TPRG1: variants seen among roughly 807,000 people sequenced by gnomAD.
TPRG1 encodes the protein tumor protein p63-regulated gene 1 protein.
Under a neutral mutation model 29.3 loss-of-function variants are expected in TPRG1, and 29 were observed. That is an observed-to-expected ratio of 0.99 (90% CI 0.74 to 1.35). The LOEUF (loss-of-function observed/expected upper bound fraction) is 1.35. Ranked by LOEUF, TPRG1 falls within the 40% of genes most tolerant of loss-of-function variation. TPRG1 has a pLI of 0.00. For synonymous variants in TPRG1, 130 were observed against 116.8 expected (o/e 1.11, Z -0.73); for missense variants, 327 against 335.0 (o/e 0.98, Z 0.19).
intron 1 of TPRG1, among the ~76,000 whole-genome samples, chr3:189,199,210 C>A (rs1733050672): frequency 6.6e-6 from 1 of 152,182 alleles, no homozygotes; most frequent in Admixed American, 6.5e-5. Flanking sequence ...ACCGTTATCA[C>A]AATCTTATTC....
At chr3:189,131,003 C>T (rs1417860301) in intron 2 of TPRG1, among the ~76,000 whole-genome samples, 1 of 152,180 alleles carries the variant, frequency 6.6e-6, no homozygotes, top group Non-Finnish European at 1.5e-5. Flanking sequence ...CATGTTACCT[C>T]TGGCCGGTAA....
At chr3:189,310,563 T>G (rs779822212) in intron 5 of TPRG1, 24 bp downstream of exon 5, 2 of 1,586,364 alleles carry the variant, frequency 1.3e-6, no homozygotes, top group Non-Finnish European at 1.7e-6. Context: ...TGGGTATTAC[T>G]CTCAGATTAG....
intron 4 of TPRG1, among the ~76,000 whole-genome samples, chr3:189,242,440 A>T (rs925789517): frequency 6.6e-6 from 1 of 152,158 alleles, no homozygotes; most frequent in Admixed American, 6.5e-5. Context: ...TTCAAATATT[A>T]AGTCAGTTCT....
intron 1 of TPRG1, among the ~76,000 whole-genome samples, chr3:189,111,387 A>G (rs1271049256): frequency 1.3e-5 from 2 of 152,088 alleles, no homozygotes; most frequent in African/African-American, 4.8e-5. Context: ...CATTGCTAGT[A>G]TAGATGATCC....
At chr3:189,271,615 C>T (rs532075701) in intron 4 of TPRG1, among the ~76,000 whole-genome samples, 1 of 152,298 alleles carries the variant, frequency 6.6e-6, no homozygotes, top group East Asian at 1.9e-4. Context: ...ATAGAATTTA[C>T]ACAAGAACTT....
chr3:189,215,811 T>A (rs1383183106), intron 3 of TPRG1, among the ~76,000 whole-genome samples: 1 of 152,176 alleles, frequency 6.6e-6, no homozygotes, highest in Non-Finnish European at 1.5e-5. Context: ...TTGAATTTGA[T>A]CTTATATACA....
At chr3:189,005,018 C>T (rs1039322343) in intron 3 of TPRG1, among the ~76,000 whole-genome samples, 3 of 151,974 alleles carry the variant, frequency 2.0e-5, no homozygotes, top group Non-Finnish European at 4.4e-5. Context: ...AGACAAGCAT[C>T]ACATGTTCTC....
chr3:189,155,176 G>T (rs1356005198), intron 5 of TPRG1, among the ~76,000 whole-genome samples: 1 of 152,130 alleles, frequency 6.6e-6, no homozygotes, highest in African/African-American at 2.4e-5. Flanking sequence ...GATCATGGGG[G>T]CCTTGGAGCC....
chr3:189,271,412 A>G (rs1715105123), intron 4 of TPRG1, among the ~76,000 whole-genome samples: 2 of 152,136 alleles, frequency 1.3e-5, no homozygotes, highest in South Asian at 2.1e-4. Context: ...TGCATATAGT[A>G]TATGTCTAAC....
intron 3 of TPRG1, among the ~76,000 whole-genome samples, chr3:189,136,546 A>G (rs1012980412): frequency 6.6e-6 from 1 of 152,080 alleles, no homozygotes; most frequent in Non-Finnish European, 1.5e-5. Context: ...CTTGCTAAAG[A>G]CTCCTGGCTT....
intron 2 of TPRG1, among the ~76,000 whole-genome samples, chr3:189,209,211 A>G (rs1041692905): frequency 6.6e-6 from 1 of 152,232 alleles, no homozygotes; most frequent in African/African-American, 2.4e-5. Flanking sequence ...AAGGAGACGC[A>G]GGTACAGGGG....
intron 4 of TPRG1, among the ~76,000 whole-genome samples, chr3:189,281,965 C>T (rs1717215529): frequency 6.6e-6 from 1 of 152,042 alleles, no homozygotes; most frequent in Non-Finnish European, 1.5e-5. Flanking sequence ...ACTGCAACCT[C>T]TGCCTCCCAG....
intron 4 of TPRG1, among the ~76,000 whole-genome samples, chr3:189,250,632 G>A (rs1742085817): frequency 6.7e-6 from 1 of 150,276 alleles, no homozygotes; most frequent in Non-Finnish European, 1.5e-5. Context: ...AAGGTCAAAG[G>A]TAAGGCAGCA....
intron 4 of TPRG1, among the ~76,000 whole-genome samples, chr3:189,032,785 G>C (rs1422285896): frequency 1.7e-4 from 21 of 123,356 alleles, no homozygotes; most frequent in South Asian, 1.3e-3. Context: ...GTGTGATGTT[G>C]CCCTTCCTGT....
intron 3 of TPRG1, among the ~76,000 whole-genome samples, chr3:189,007,507 G>C (rs1399709208): frequency 6.6e-6 from 1 of 151,450 alleles, no homozygotes; most frequent in Non-Finnish European, 1.5e-5. Context: ...CAGGGATCTA[G>C]AACTAGAAAT....
chr3:189,109,162 AAGG>A (rs1720188494), intron 1 of TPRG1, among the ~76,000 whole-genome samples: 2 of 152,124 alleles, frequency 1.3e-5, no homozygotes, highest in African/African-American at 4.8e-5. Context: ...AGAGAGAGGG[AAGG>A]AGAAGAGGAG....
chr3:189,200,865 T>C (rs545372918), intron 1 of TPRG1, among the ~76,000 whole-genome samples: 102 of 152,344 alleles, frequency 6.7e-4, no homozygotes, highest in Middle Eastern at 3.4e-3. Context: ...TATTGAAACA[T>C]AATCCCCTAA....
At chr3:189,269,530 T>C (rs947256193) in intron 4 of TPRG1, among the ~76,000 whole-genome samples, 2 of 152,124 alleles carry the variant, frequency 1.3e-5, no homozygotes, top group African/African-American at 4.8e-5. Context: ...GTGTATTTCC[T>C]GAGAACTCAT....
intron 5 of TPRG1, among the ~76,000 whole-genome samples, chr3:189,165,251 C>A (rs1463110003): frequency 6.6e-6 from 1 of 151,908 alleles, no homozygotes; most frequent in Non-Finnish European, 1.5e-5. Context: ...CCTTACCACA[C>A]CCTCAACTTT....
Sources: allele counts gnomAD v4.1 joint callset (sites outside exome capture counted in the v4.1 genomes callset), GRCh38; gene constraint gnomAD v4.1.1; transcripts MANE v1.5; gene names NCBI Gene and HGNC (gene_info 2026-07-23, HGNC 2026-07-21).